The following CRACD variants were observed in gnomAD, a reference collection of about 807,000 sequenced individuals.
CRACD encodes capping protein inhibiting regulator of actin dynamics.
CRACD carries 56 observed loss-of-function variants against 106.8 expected under a neutral mutation model. The ratio of observed to expected loss-of-function variants is 0.52; its 90% confidence interval spans 0.42 to 0.66. CRACD has a LOEUF of 0.66. Ranked by LOEUF, CRACD falls within the 30% of genes least tolerant of loss-of-function variation. CRACD has a pLI of 0.00. For synonymous variants in CRACD, 754 were observed against 670.8 expected (o/e 1.12, Z -1.92); for missense variants, 1,730 against 1,623.2 (o/e 1.07, Z -1.13).
At chr4:56,247,363 T>C (rs559716276) in intron 2 of CRACD, among the ~76,000 whole-genome samples, 24 of 152,196 alleles carry the variant, frequency 1.6e-4, no homozygotes, top group Non-Finnish European at 3.2e-4. Flanking sequence ...TTAGGAGTAA[T>C]TGATGATATA....
chr4:56,079,363 AT>A (rs554550327), intron 1 of CRACD, among the ~76,000 whole-genome samples: 1 of 151,364 alleles, frequency 6.6e-6, no homozygotes, highest in African/African-American at 2.4e-5. Context: ...ATCATTCTGT[AT>A]TTTTTTCCCT....
At chr4:56,230,235 T>C (rs1014252705) in intron 2 of CRACD, among the ~76,000 whole-genome samples, 6 of 152,148 alleles carry the variant, frequency 3.9e-5, no homozygotes, top group Admixed American at 1.3e-4. Context: ...GGTTTTGGGG[T>C]ACGTCCTTGG....
chr4:56,270,657 C>A (rs1006787889), intron 2 of CRACD, among the ~76,000 whole-genome samples: 1 of 152,146 alleles, frequency 6.6e-6, no homozygotes, highest in Non-Finnish European at 1.5e-5. Flanking sequence ...GCTATTTTAT[C>A]TCTTCGTGTC....
chr4:56,214,681 C>CTCTCTCTCTCTATATA lies in CRACD; in HGVS notation c.-189+35252_-189+35253insCTCTCTCTCTATATAT. On this transcript the variant is annotated intron_variant, in intron 2 of 10. Transcript: ENST00000682029. ...TCTCTCTCTCTCTCTCTCTCTCTCT[C>CTCTCTCTCTCTATATA]TATATATATATATATCAAACAGTTA... Among the ~76,000 whole-genome samples, 82 of 80,998 alleles carry CTCTCTCTCTCTATATA rather than the reference C, an allele frequency of 1.0e-3. 4 individuals are homozygous for CTCTCTCTCTCTATATA. Among genetic ancestry groups the CTCTCTCTCTCTATATA allele is most frequent in the East Asian group, 8.1e-3 (22 of 2,732 alleles). 53.1% of individuals were successfully genotyped at this position (80,998 alleles called of 152,430 possible).
At chr4:56,244,579 AT>A (rs1424386470) in intron 2 of CRACD, among the ~76,000 whole-genome samples, 1 of 152,346 alleles carries the variant, frequency 6.6e-6, no homozygotes, top group African/African-American at 2.4e-5. Context: ...AGTTGGTAAA[AT>A]TCTGAAATGC....
chr4:56,323,723 G>A (rs1232849030), intron 9 of CRACD, among the ~76,000 whole-genome samples, 156 bp downstream of exon 9: 4 of 152,174 alleles, frequency 2.6e-5, no homozygotes, highest in Non-Finnish European at 4.4e-5. Flanking sequence ...CCAGGGAAGC[G>A]TTTTCAGTGT....
chr4:56,173,045 C>T lies in CRACD; in HGVS notation c.-335-6239C>T, dbSNP rs577859085. 5.9e-5 allele frequency among the ~76,000 whole-genome samples: 9 copies of T among 152,342 alleles called. No individual in the cohort carries two copies. In the South Asian group the frequency reaches 1.2e-3, roughly 21 times the overall value. On this transcript the variant is annotated intron_variant, in intron 1 of 10. Coordinates refer to ENST00000682029, the MANE Select transcript of CRACD (RefSeq NM_001393381.1). ...TGTTGGGATTACAGGCGTGAGCCAC[C>T]GCACCCGGCCAACACCCAGCCTTTC... is the stretch of plus-strand genomic sequence containing the variant.
chr4:56,209,384 A>T (rs1054459657), intron 2 of CRACD, among the ~76,000 whole-genome samples: 10 of 152,080 alleles, frequency 6.6e-5, no homozygotes, highest in Non-Finnish European at 1.3e-4. Context: ...ACAAACATAC[A>T]TTTTATGCCT....
chr4:56,245,727 C>T (rs1003595636), intron 2 of CRACD, among the ~76,000 whole-genome samples: 3 of 152,308 alleles, frequency 2.0e-5, no homozygotes, highest in African/African-American at 7.2e-5. Flanking sequence ...GATACAAGAG[C>T]AGAATACCTA....
At chr4:56,305,443 T>C (rs996727824) in intron 4 of CRACD, among the ~76,000 whole-genome samples, 3 of 152,170 alleles carry the variant, frequency 2.0e-5, no homozygotes, top group Non-Finnish European at 4.4e-5. Context: ...CAGGGTGAAA[T>C]GGGCCTGTTA....
At chr4:56,138,980 C>T (rs1735103359) in intron 1 of CRACD, among the ~76,000 whole-genome samples, 2 of 151,990 alleles carry the variant, frequency 1.3e-5, no homozygotes, top group South Asian at 4.2e-4. Context: ...TAATTAGGGC[C>T]AGTGTGTATC....
intron 2 of CRACD, among the ~76,000 whole-genome samples, chr4:56,219,045 A>C (rs1483518034): frequency 6.6e-6 from 1 of 152,176 alleles, no homozygotes; most frequent in Admixed American, 6.5e-5. Flanking sequence ...GGGACCTCAG[A>C]ACTTTCTAAC....
intron 2 of CRACD, among the ~76,000 whole-genome samples, chr4:56,186,852 A>T (rs1386096844): frequency 6.6e-6 from 1 of 152,180 alleles, no homozygotes; most frequent in Non-Finnish European, 1.5e-5. Flanking sequence ...GCATGAGCCC[A>T]GGAGTTCAAC....
chr4:56,114,985 A>G (rs760138296), intron 1 of CRACD, among the ~76,000 whole-genome samples: 1 of 152,202 alleles, frequency 6.6e-6, no homozygotes, highest in Non-Finnish European at 1.5e-5. Context: ...ATGTACAAAT[A>G]TTTATAATAA....
intron 4 of CRACD, among the ~76,000 whole-genome samples, chr4:56,303,286 A>G (rs919883975): frequency 6.6e-6 from 1 of 152,024 alleles, no homozygotes; most frequent in Non-Finnish European, 1.5e-5. Context: ...CGGAGGCTGC[A>G]GTGAGCCGAG....
At chr4:56,062,798 A>G (rs775858579) in intron 1 of CRACD, among the ~76,000 whole-genome samples, 59 of 152,290 alleles carry the variant, frequency 3.9e-4, no homozygotes, top group Admixed American at 1.0e-3. Flanking sequence ...AGGAGTTTTT[A>G]TAGAACCGAA....
At position 56,244,597 on chromosome 4, in the gene CRACD, C is replaced by G. The variant is rs376410048; in HGVS notation, c.-188-27724C>G. On this transcript the variant is annotated intron_variant, in intron 2 of 10. Transcript: ENST00000682029. ...TGGTAAAATTCTGAAATGCTCTGGACTCATTGATAAATGGTCATTTCCTTC... is the reference window on the plus strand; with the variant it reads ...TGGTAAAATTCTGAAATGCTCTGGAGTCATTGATAAATGGTCATTTCCTTC... 4.3e-4 allele frequency among the ~76,000 whole-genome samples: 65 copies of G among 152,294 alleles called. No homozygotes were observed. In the East Asian group the frequency reaches 8.1e-3, roughly 19 times the overall value.
intron 1 of CRACD, among the ~76,000 whole-genome samples, chr4:56,071,963 TA>T (rs1378256750): frequency 6.6e-6 from 1 of 151,404 alleles, no homozygotes; most frequent in East Asian, 2.0e-4. Flanking sequence ...CCGTCTCTAC[TA>T]AAAAATACAA....
At chr4:56,104,006 T>G (rs1733863196) in intron 1 of CRACD, among the ~76,000 whole-genome samples, 1 of 152,216 alleles carries the variant, frequency 6.6e-6, no homozygotes, top group African/African-American at 2.4e-5. Flanking sequence ...ACTCCTGACC[T>G]CAGGTGATCC....
Sources: allele counts gnomAD v4.1 joint callset (sites outside exome capture counted in the v4.1 genomes callset), GRCh38; gene constraint gnomAD v4.1.1; transcripts MANE v1.5; gene names NCBI Gene and HGNC (gene_info 2026-07-23, HGNC 2026-07-21).